WWOX: variants seen among roughly 807,000 people sequenced by gnomAD.
WWOX encodes the protein WW domain containing oxidoreductase, also known as WW domain-containing oxidoreductase.
A neutral mutation model predicts 46.2 loss-of-function variants in WWOX; 69 were observed. The ratio of observed to expected loss-of-function variants is 1.49; its 90% CI spans 1.23 to 1.82. WWOX has a LOEUF of 1.82. Among genes scored for constraint, WWOX ranks in the 40% most tolerant of loss-of-function variants. The pLI is 0.00. For synonymous variants in WWOX, 359 were observed against 202.6 expected (o/e 1.77, Z -6.56); for missense variants, 919 against 542.6 (o/e 1.69, Z -6.89).
chr16:78,475,498 G>C (rs1178710338), intron 8 of WWOX, among the ~76,000 whole-genome samples: 1 of 152,182 alleles, frequency 6.6e-6, no homozygotes, highest in Non-Finnish European at 1.5e-5. Flanking sequence ...ATAAAGTTTA[G>C]ACCTATTTTA....
intron 8 of WWOX, among the ~76,000 whole-genome samples, chr16:79,195,900 C>A (rs1373998596): frequency 1.3e-5 from 2 of 152,136 alleles, no homozygotes; most frequent in African/African-American, 2.4e-5. Flanking sequence ...CACTGTTTTT[C>A]TTATTTGGAG....
At chr16:78,878,637 T>C (rs1207112966) in intron 8 of WWOX, among the ~76,000 whole-genome samples, 2 of 152,178 alleles carry the variant, frequency 1.3e-5, no homozygotes, top group Non-Finnish European at 2.9e-5. Flanking sequence ...GCACACTGTT[T>C]GGTGCATGTG....
chr16:78,126,450 G>A (rs2033365526), intron 4 of WWOX, among the ~76,000 whole-genome samples: 1 of 152,194 alleles, frequency 6.6e-6, no homozygotes, highest in African/African-American at 2.4e-5. Flanking sequence ...TAGCAAGATT[G>A]ATAGGCTTTT....
At chr16:78,158,046 G>T (rs1451666753) in intron 4 of WWOX, among the ~76,000 whole-genome samples, 1 of 152,232 alleles carries the variant, frequency 6.6e-6, no homozygotes, top group Non-Finnish European at 1.5e-5. Context: ...CCCACAGCTT[G>T]TACGTGCTTA....
At chr16:78,409,793 C>G (rs2151949039) in intron 6 of WWOX, among the ~76,000 whole-genome samples, 1 of 151,682 alleles carries the variant, frequency 6.6e-6, no homozygotes, top group South Asian at 2.1e-4. Flanking sequence ...AGGTCACCCA[C>G]AACATCTTCA....
chr16:78,949,936 G>A (rs2046024775), intron 8 of WWOX, among the ~76,000 whole-genome samples: 1 of 152,148 alleles, frequency 6.6e-6, no homozygotes, highest in African/African-American at 2.4e-5. Context: ...TCCAGGTAAA[G>A]GATATGTGAA....
chr16:79,154,426 C>T (rs2050340621), intron 8 of WWOX, among the ~76,000 whole-genome samples: 1 of 151,216 alleles, frequency 6.6e-6, no homozygotes, highest in Non-Finnish European at 1.5e-5. Context: ...ACTGGCCCCT[C>T]ATTTCACTTC....
At chr16:78,277,052 A>G (rs2079590678) in intron 5 of WWOX, among the ~76,000 whole-genome samples, 1 of 152,200 alleles carries the variant, frequency 6.6e-6, no homozygotes, top group South Asian at 2.1e-4. Context: ...GAACCTTGTT[A>G]AATTCGGTGT....
intron 8 of WWOX, among the ~76,000 whole-genome samples, chr16:79,045,928 A>G (rs983756494): frequency 2.0e-5 from 3 of 150,428 alleles, no homozygotes; most frequent in South Asian, 4.2e-4. Context: ...CAGCCTCCCA[A>G]GTAGCTGGGA....
chr16:78,886,804 T>C (rs1415052246), intron 8 of WWOX, among the ~76,000 whole-genome samples: 1 of 152,050 alleles, frequency 6.6e-6, no homozygotes, highest in Non-Finnish European at 1.5e-5. Context: ...GCAACAGCTG[T>C]ATGGTAAAAA....
intron 8 of WWOX, among the ~76,000 whole-genome samples, chr16:79,028,980 A>C (rs1218098320): frequency 6.6e-6 from 1 of 151,776 alleles, no homozygotes; most frequent in East Asian, 1.9e-4. Flanking sequence ...CTATGTGGAG[A>C]ACACTCTCCA....
chr16:78,684,695 G>A (rs2047815080), intron 8 of WWOX, among the ~76,000 whole-genome samples: 1 of 152,144 alleles, frequency 6.6e-6, no homozygotes, highest in African/African-American at 2.4e-5. Context: ...CTTCTTCCAG[G>A]TTAATCTTGG....
chr16:78,669,641 A>G (rs1177539915), intron 8 of WWOX, among the ~76,000 whole-genome samples: 1 of 152,238 alleles, frequency 6.6e-6, no homozygotes, highest in Non-Finnish European at 1.5e-5. Flanking sequence ...GATATCCAAC[A>G]CAAATACGTC....
chr16:78,609,860 T>C (rs931147986), intron 8 of WWOX, among the ~76,000 whole-genome samples: 1 of 152,260 alleles, frequency 6.6e-6, no homozygotes, highest in Non-Finnish European at 1.5e-5. Context: ...AGTTTCTGTC[T>C]AATTTCAACC....
At chr16:78,710,485 TATATATATATATATTTATATAA>T (rs1280400195) in intron 8 of WWOX, among the ~76,000 whole-genome samples, 2 of 130,630 alleles carry the variant, frequency 1.5e-5, no homozygotes, top group Non-Finnish European at 3.2e-5. Flanking sequence ...TATATATATA[TATATATATATATATTTATATAA>T]ATATATTTTA....
At chr16:78,897,155 C>T (rs1414261331) in intron 8 of WWOX, 1 of 135,454 alleles carries the variant, frequency 7.4e-6, no homozygotes. Flanking sequence ...GTGGCTGAGG[C>T]TTGAGTATCG....
At chr16:78,685,483 A>T (rs1046973207) in intron 8 of WWOX, among the ~76,000 whole-genome samples, 13 of 152,348 alleles carry the variant, frequency 8.5e-5, no homozygotes, top group African/African-American at 2.9e-4. Flanking sequence ...CATGGGAGTT[A>T]AGTGCATTTT....
At chr16:79,032,921 C>T (rs1341824015) in intron 8 of WWOX, among the ~76,000 whole-genome samples, 3 of 151,452 alleles carry the variant, frequency 2.0e-5, no homozygotes, top group South Asian at 2.1e-4. Flanking sequence ...CCTCCTGCCA[C>T]CCTCCACCCT....
intron 8 of WWOX, among the ~76,000 whole-genome samples, chr16:79,137,766 T>G (rs2050011167): frequency 6.6e-6 from 1 of 151,974 alleles, no homozygotes; most frequent in Non-Finnish European, 1.5e-5. Flanking sequence ...CTGTCCCCTC[T>G]GTGTTCCTCC....
Sources: allele counts gnomAD v4.1 joint callset (sites outside exome capture counted in the v4.1 genomes callset), GRCh38; gene constraint gnomAD v4.1.1; transcripts MANE v1.5; gene names NCBI Gene and HGNC (gene_info 2026-07-23, HGNC 2026-07-21).